Variants in CBFB observed in about 807,000 individuals in gnomAD.
CBFB encodes the protein core-binding factor subunit beta.
Under a neutral mutation model 30.4 loss-of-function variants are expected in CBFB, and 9 were observed. The observed-to-expected ratio is 0.30, with a 90% confidence interval of 0.18 to 0.52. The LOEUF (loss-of-function observed/expected upper bound fraction) is 0.52, where lower values mean the gene tolerates loss of function less well. CBFB is among the 20% of genes least tolerant of loss of function. The pLI is 0.97. For synonymous variants in CBFB, 94 were observed against 84.0 expected, an observed-to-expected ratio of 1.12 and a Z score of -0.65; for missense variants, 170 against 244.0, an observed-to-expected ratio of 0.70 and a Z score of 2.02.
intron 4 of CBFB, among the ~76,000 whole-genome samples, chr16:67,078,067 C>G (rs1251073217): frequency 1.3e-5 from 2 of 152,202 alleles, no homozygotes; most frequent in African/African-American, 2.4e-5. Flanking sequence ...CCATTTGAGC[C>G]TACTTTGTGG....
rs561344140 is a variant in CBFB, at chr16:67,085,657, G to A, written c.495+3349G>A. Among the ~76,000 whole-genome samples the A allele has an allele frequency of 8.1e-5, 12 of 148,322 alleles. No individual in the cohort carries two copies. In the South Asian group the frequency reaches 2.6e-3, roughly 32 times the overall value. ...TTACAGATGTGAACCACTGCACCCA[G>A]CCTAAAATTTAGTATCTTTTTTTTT... On this transcript the variant is annotated intron_variant, in intron 5 of 5. Transcript: ENST00000412916.
intron 3 of CBFB, among the ~76,000 whole-genome samples, chr16:67,053,788 T>G (rs1960634340): frequency 6.6e-6 from 1 of 151,530 alleles, no homozygotes; most frequent in Non-Finnish European, 1.5e-5. Flanking sequence ...TCAGAGGGAG[T>G]TAGCTGCTCT....
At chr16:67,087,728 G>A (rs1961769570) in intron 5 of CBFB, among the ~76,000 whole-genome samples, 1 of 152,032 alleles carries the variant, frequency 6.6e-6, no homozygotes, top group African/African-American at 2.4e-5. Context: ...TTGTTTTTTT[G>A]TCAGTGATTG....
chr16:67,062,715 C>T (rs1300290584), intron 3 of CBFB, among the ~76,000 whole-genome samples: 1 of 151,780 alleles, frequency 6.6e-6, no homozygotes, highest in Non-Finnish European at 1.5e-5. Context: ...ATCACTTGAA[C>T]CCAGGAGGCA....
chr16:67,047,197 C>T (rs1334292652), intron 3 of CBFB, among the ~76,000 whole-genome samples: 1 of 151,840 alleles, frequency 6.6e-6, no homozygotes, highest in Non-Finnish European at 1.5e-5. Flanking sequence ...TGCCACTGCA[C>T]TGTAGCCTGG....
chr16:67,040,584 A>C lies in CBFB; in HGVS notation c.282+3829A>C, dbSNP rs181969576. On this transcript the variant is annotated intron_variant, in intron 3 of 5. Transcript: ENST00000412916. ...CTGTACCTGTCACAGTTATCAAAAA[A>C]TTTATTCATTCAGAAGGTCTTTGTT... Among the ~76,000 whole-genome samples the C allele has an allele frequency of 1.0e-3, 159 of 152,324 alleles. 1 individual carries two copies. Among genetic ancestry groups the C allele is most frequent in the Non-Finnish European group, 1.9e-3 (130 of 68,036 alleles).
intron 5 of CBFB, among the ~76,000 whole-genome samples, chr16:67,097,405 C>T (rs1250854449): frequency 2.6e-5 from 4 of 151,932 alleles, no homozygotes; most frequent in African/African-American, 9.7e-5. Context: ...ATTAGCCGGG[C>T]GTGGTGGCAC....
chr16:67,085,716 C>A (rs1005947895), intron 5 of CBFB, among the ~76,000 whole-genome samples: 2 of 135,580 alleles, frequency 1.5e-5, no homozygotes, highest in Non-Finnish European at 3.1e-5. Context: ...CTCGCTCTGT[C>A]GCCCAGGCTG....
chr16:67,061,468 A>G (rs184372020), intron 3 of CBFB, among the ~76,000 whole-genome samples: 4 of 152,358 alleles, frequency 2.6e-5, no homozygotes, highest in Admixed American at 2.0e-4. Context: ...TTGTGCTTAA[A>G]TGACATTTTT....
At chr16:67,078,330 T>A (rs961885987) in intron 4 of CBFB, among the ~76,000 whole-genome samples, 1 of 152,086 alleles carries the variant, frequency 6.6e-6, no homozygotes, top group African/African-American at 2.4e-5. Flanking sequence ...GGAGGATCAC[T>A]TGATATTGGG....
At chr16:67,045,117 C>T (rs1966600244) in intron 3 of CBFB, among the ~76,000 whole-genome samples, 1 of 152,002 alleles carries the variant, frequency 6.6e-6, no homozygotes, top group Non-Finnish European at 1.5e-5. Context: ...ATATATTTGA[C>T]ACCTTTGTAG....
chr16:67,029,588 C>T, intron 1 of CBFB, 103 bp downstream of exon 1: 1 of 1,342,684 alleles, frequency 7.4e-7, no homozygotes, highest in South Asian at 1.3e-5. Flanking sequence ...CCGGTCGGTG[C>T]GCCCGCGGAG....
chr16:67,079,515 C>CTTTTT (rs34164177), intron 4 of CBFB, among the ~76,000 whole-genome samples: 2 of 98,664 alleles, frequency 2.0e-5, no homozygotes, highest in East Asian at 3.3e-4. Context: ...GGCCCTGGGT[C>CTTTTT]TTTTTTTTTT....
At chr16:67,062,023 A>T (rs1193969716) in intron 3 of CBFB, among the ~76,000 whole-genome samples, 1 of 151,610 alleles carries the variant, frequency 6.6e-6, no homozygotes, top group Non-Finnish European at 1.5e-5. Context: ...TAAGAGCAAA[A>T]CTCCATCTCA....
intron 3 of CBFB, among the ~76,000 whole-genome samples, chr16:67,054,475 C>A (rs766086117): frequency 6.6e-6 from 1 of 152,130 alleles, no homozygotes; most frequent in Non-Finnish European, 1.5e-5. Context: ...CACAGTCATT[C>A]CTTGTGCAGG....
At chr16:67,075,181 T>G (rs1186098701) in intron 4 of CBFB, among the ~76,000 whole-genome samples, 8 of 140,032 alleles carry the variant, frequency 5.7e-5, no homozygotes, top group Non-Finnish European at 1.2e-4. Flanking sequence ...CAGAGCGAGA[T>G]TCTATCTCAA....
At chr16:67,044,221 C>T (rs751410107) in intron 3 of CBFB, among the ~76,000 whole-genome samples, 4 of 152,072 alleles carry the variant, frequency 2.6e-5, no homozygotes, top group Non-Finnish European at 5.9e-5. Flanking sequence ...ATTGGATGTA[C>T]TTACTTTGCG....
intron 5 of CBFB, among the ~76,000 whole-genome samples, chr16:67,084,861 G>T (rs1338932862): frequency 6.6e-6 from 1 of 152,022 alleles, no homozygotes. Flanking sequence ...CATTTACTTT[G>T]TCAGCTTGGA....
chr16:67,044,284 G>GA (rs1320758435), intron 3 of CBFB, among the ~76,000 whole-genome samples: 1 of 151,962 alleles, frequency 6.6e-6, no homozygotes, highest in Non-Finnish European at 1.5e-5. Flanking sequence ...TTCATAAAAG[G>GA]AAAAAAATGA....
Sources: gnomAD v4.1 joint callset for allele counts (sites outside exome capture counted in the v4.1 genomes callset) on GRCh38, gnomAD v4.1.1 for gene constraint, MANE v1.5 for transcripts, NCBI Gene and HGNC (gene_info 2026-07-23, HGNC 2026-07-21) for gene names.